ABCD3: variants seen among roughly 807,000 people sequenced by gnomAD.
ABCD3 encodes ATP binding cassette subfamily D member 3.
A neutral mutation model predicts 105.5 loss-of-function variants in ABCD3; 41 were observed. The ratio of observed to expected loss-of-function variants is 0.39; its 90% confidence interval spans 0.30 to 0.50. The LOEUF (loss-of-function observed/expected upper bound fraction) is 0.50, where lower values mean the gene tolerates loss of function less well. Ranked by LOEUF, ABCD3 falls within the 20% of genes least tolerant of loss-of-function variation. ABCD3 has a pLI of 0.84. For missense variants in ABCD3, 622 were observed against 806.3 expected (o/e 0.77, Z 2.77); for synonymous variants, 258 against 269.0 (o/e 0.96, Z 0.40).
chr1:94,496,453 G>T (rs1570819082), intron 16 of ABCD3, among the ~76,000 whole-genome samples: 1 of 22,798 alleles, frequency 4.4e-5, no homozygotes, highest in South Asian at 1.4e-3. Flanking sequence ...CCATTTCATT[G>T]TGTGTGTGTG....
At chr1:94,456,255 ATTTTTTTTTTTTTTTTTT>A (rs71094301) in intron 1 of ABCD3, among the ~76,000 whole-genome samples, 94 of 44,960 alleles carry the variant, frequency 2.1e-3, no homozygotes, top group East Asian at 0.015. Flanking sequence ...AAATGACAGA[ATTTTTTTTTTTTTTTTTT>A]TTTTTTTTTT....
At chr1:94,467,619 A>G (rs1427516881) in intron 3 of ABCD3, among the ~76,000 whole-genome samples, 1 of 152,216 alleles carries the variant, frequency 6.6e-6, no homozygotes, top group Non-Finnish European at 1.5e-5. Context: ...TCTAAGTTAC[A>G]TTCCCAGCTT....
chr1:94,443,996 C>G lies in ABCD3; in HGVS notation c.111-14611C>G, dbSNP rs1290893928. Among the ~76,000 whole-genome samples, 13 of 151,892 alleles carry G rather than the reference C, an allele frequency of 8.6e-5. No homozygotes were observed. In the East Asian group the frequency reaches 2.5e-3, roughly 29 times the overall value. On this transcript the variant is annotated intron_variant, in intron 1 of 22. Transcript: ENST00000370214. Reference sequence around the variant, plus strand: ...AATTAAACTTTTAGTGTAGTTTTCTCTCATGTCTTTTTTATTTCATTATTT... The same window carrying G: ...AATTAAACTTTTAGTGTAGTTTTCTGTCATGTCTTTTTTATTTCATTATTT...
upstream of ABCD3, among the ~76,000 whole-genome samples, chr1:94,417,262 G>A (rs547184943): frequency 5.3e-5 from 8 of 152,270 alleles, no homozygotes; most frequent in Non-Finnish European, 7.4e-5. Flanking sequence ...ATTGTACCTC[G>A]TCTTTGTGAT....
At chr1:94,415,116 A>G (rs1658974068), upstream of ABCD3, among the ~76,000 whole-genome samples, 1 of 152,196 alleles carries the variant, frequency 6.6e-6, no homozygotes, top group Non-Finnish European at 1.5e-5. Context: ...AAGCAATCCA[A>G]GACACCAAGG....
intron 16 of ABCD3, among the ~76,000 whole-genome samples, chr1:94,493,436 G>A (rs1162522212): frequency 6.6e-6 from 1 of 151,738 alleles, no homozygotes; most frequent in East Asian, 1.9e-4. Flanking sequence ...TAAAAAGTCA[G>A]GAAACAACAG....
intron 20 of ABCD3, among the ~76,000 whole-genome samples, chr1:94,501,188 G>A (rs1650076280): frequency 6.6e-6 from 1 of 151,118 alleles, no homozygotes; most frequent in Non-Finnish European, 1.5e-5. Context: ...TTCAACCCGG[G>A]AGGCATAGGC....
chr1:94,491,137 C>A, intron 15 of ABCD3, 47 bp from the exon 16 acceptor site: 1 of 1,343,390 alleles, frequency 7.4e-7, no homozygotes, highest in South Asian at 1.2e-5. Flanking sequence ...TGTATTAGTT[C>A]CTTATATACT....
chr1:94,471,674 A>G (rs1484804810), intron 4 of ABCD3, among the ~76,000 whole-genome samples: 1 of 152,200 alleles, frequency 6.6e-6, no homozygotes, highest in African/African-American at 2.4e-5. Flanking sequence ...GTTTTAAAAT[A>G]TTGTACATTC....
chr1:94,428,648 G>A (rs1659561895), intron 1 of ABCD3, among the ~76,000 whole-genome samples: 1 of 152,166 alleles, frequency 6.6e-6, no homozygotes, highest in Admixed American at 6.5e-5. Context: ...GAGTTCTCCT[G>A]TACAAGCTCT....
intron 16 of ABCD3, among the ~76,000 whole-genome samples, chr1:94,493,254 AAAAC>A (rs1190149242): frequency 6.6e-6 from 1 of 151,610 alleles, no homozygotes; most frequent in Non-Finnish European, 1.5e-5. Flanking sequence ...TTACAAGAAA[AAAAC>A]AACCCCATCA....
At chr1:94,497,672 T>C (rs991116371) in intron 16 of ABCD3, among the ~76,000 whole-genome samples, 3 of 152,244 alleles carry the variant, frequency 2.0e-5, no homozygotes, top group Non-Finnish European at 2.9e-5. Flanking sequence ...AAAACACTTA[T>C]AATTTCTAAG....
chr1:94,427,775 C>T (rs931524890), intron 1 of ABCD3, among the ~76,000 whole-genome samples: 4 of 152,318 alleles, frequency 2.6e-5, no homozygotes, highest in East Asian at 3.9e-4. Flanking sequence ...TGTGCTCGAC[C>T]CTATTAGTTC....
rs183102538 is a variant in ABCD3, at chr1:94,462,112, G to A, written c.148-2663G>A. ...TTTTCCTTTGTTGCATTATTACTTCGACTTCTCAAATAGCTTTTAATGATT... is the reference window on the plus strand; with the variant it reads ...TTTTCCTTTGTTGCATTATTACTTCAACTTCTCAAATAGCTTTTAATGATT... On this transcript the variant is annotated intron_variant, in intron 2 of 22. Coordinates refer to ENST00000370214, the MANE Select transcript of ABCD3 (RefSeq NM_002858.4). Among the ~76,000 whole-genome samples the A allele has an allele frequency of 1.2e-4, 19 of 152,108 alleles. No individual in the cohort carries two copies. The East Asian group carries it at 3.5e-3, about 28-fold the overall frequency.
intron 1 of ABCD3, among the ~76,000 whole-genome samples, chr1:94,422,010 T>C (rs981445743): frequency 6.6e-6 from 1 of 152,184 alleles, no homozygotes; most frequent in African/African-American, 2.4e-5. Context: ...TTCCCTACTT[T>C]TCCCACTCAT....
chr1:94,391,235 C>T, the ABCD3 span, among the ~76,000 whole-genome samples: 1 of 152,122 alleles, frequency 6.6e-6, no homozygotes, highest in Non-Finnish European at 1.5e-5. Flanking sequence ...TTCACCAGCT[C>T]TTGATGTATT....
the ABCD3 span, chr1:94,406,411 A>G: frequency 1.5e-5 from 5 of 336,350 alleles, no homozygotes; most frequent in South Asian, 6.3e-5. Context: ...ATGAATTCAT[A>G]GGGAATAGGT....
intron 8 of ABCD3, 133 bp from the exon 9 acceptor site, chr1:94,480,331 G>T: frequency 9.2e-7 from 1 of 1,090,720 alleles, no homozygotes; most frequent in East Asian, 2.5e-5. Context: ...AAAAACAAAG[G>T]GAAAAAATTA....
At chr1:94,451,023 C>A (rs1647223683) in intron 1 of ABCD3, among the ~76,000 whole-genome samples, 1 of 152,004 alleles carries the variant, frequency 6.6e-6, no homozygotes, top group African/African-American at 2.4e-5. Context: ...TCTCTTAAAC[C>A]TATTGATTAT....
Sources: allele counts gnomAD v4.1 joint callset (sites outside exome capture counted in the v4.1 genomes callset), GRCh38; gene constraint gnomAD v4.1.1; transcripts MANE v1.5; gene names NCBI Gene and HGNC (gene_info 2026-07-23, HGNC 2026-07-21).